Variants in MED13L observed in about 807,000 individuals in gnomAD.
The protein encoded by MED13L is mediator of RNA polymerase II transcription subunit 13-like.
In MED13L, 7 loss-of-function variants were observed where a neutral mutation model predicts 220.9. That is an observed-to-expected ratio of 0.03 (90% CI 0.02 to 0.06). The LOEUF is 0.06. Ranked by LOEUF, MED13L falls within the 10% of genes least tolerant of loss-of-function variation. MED13L has a pLI of 1.00. For synonymous variants in MED13L, 1,011 were observed against 1,015.2 expected (o/e 1.00, Z 0.08); for missense variants, 1,965 against 2,760.5 (o/e 0.71, Z 6.46).
At chr12:116,209,431 C>T (rs1346023105) in intron 2 of MED13L, among the ~76,000 whole-genome samples, 1 of 151,828 alleles carries the variant, frequency 6.6e-6, no homozygotes, top group African/African-American at 2.4e-5. Context: ...GAACATATAT[C>T]CCTTCATGCC....
chr12:116,013,397 A>C (rs1879536250), intron 8 of MED13L, among the ~76,000 whole-genome samples: 1 of 152,224 alleles, frequency 6.6e-6, no homozygotes, highest in Non-Finnish European at 1.5e-5. Context: ...CAATGTACAC[A>C]AACTTTGTTT....
At chr12:116,210,513 GA>G (rs983588844) in intron 2 of MED13L, among the ~76,000 whole-genome samples, 1 of 130,784 alleles carries the variant, frequency 7.6e-6, no homozygotes, top group Non-Finnish European at 1.6e-5. Context: ...AAACTTGAAA[GA>G]AAAAAAACCA....
At chr12:116,217,226 A>C (rs985885217) in intron 2 of MED13L, among the ~76,000 whole-genome samples, 1 of 152,242 alleles carries the variant, frequency 6.6e-6, no homozygotes, top group Non-Finnish European at 1.5e-5. Flanking sequence ...ATTGATGAAG[A>C]TAACAACCTA....
chr12:116,066,893 G>A (rs1174204899), intron 4 of MED13L, among the ~76,000 whole-genome samples: 1 of 152,080 alleles, frequency 6.6e-6, no homozygotes, highest in East Asian at 1.9e-4. Context: ...TTCATGCTTA[G>A]TTTCATGAAG....
chr12:115,976,327 C>G (rs868250220), intron 23 of MED13L, among the ~76,000 whole-genome samples: 3 of 152,082 alleles, frequency 2.0e-5, no homozygotes, highest in African/African-American at 4.8e-5. Context: ...GAATATTAAA[C>G]AGCAATGAGA....
chr12:116,006,344 T>C lies in MED13L; in HGVS notation c.2306A>G (p.Lys769Arg). 6.2e-7 allele frequency: 1 copy of C among 1,614,072 alleles called. No individual in the cohort carries two copies. Among genetic ancestry groups the C allele is most frequent in the Non-Finnish European group, 8.5e-7 (1 of 1,179,936 alleles). ...PGHSTPVPDG[K>R]NAMSIFSSAT... ...AGAACTGAAAATAGACATGGCATTT[T>C]TCCCATCAGGCACCGGCGTGGAATG... is the stretch of plus-strand genomic sequence containing the variant. The change falls in exon 12 of 31, where the codon AAA becomes AGA. Residue 769 changes from lysine to arginine, a missense_variant. By Grantham distance (26) the Lys-to-Arg change is conservative (BLOSUM62 2). Transcript: ENST00000281928.
rs113890513 is a variant in MED13L, at chr12:115,983,375, G to A, written c.4697C>T (p.Ser1566Leu). Residue 1566 changes from serine to leucine, a missense_variant, in exon 21 of 31, where the codon TCG becomes TTG. Transcript: ENST00000281928. The stretch of plus-strand genomic sequence containing the variant: ...TGCAGGATTTGTAGAACTACTATTC[G>A]AGGTGGGATTAAATGCACTGCCAGC... ...PPAGSAFNPT[S>L]NSSSTNPAAS... The A allele has an allele frequency of 6.9e-4, 1,106 of 1,614,036 alleles. 1 individual carries two copies. Among genetic ancestry groups the A allele is most frequent in the Non-Finnish European group, 9.0e-4 (1,065 of 1,180,018 alleles).
intron 1 of MED13L, among the ~76,000 whole-genome samples, chr12:116,254,174 G>A (rs540336029): frequency 5.3e-5 from 8 of 152,076 alleles, no homozygotes; most frequent in African/African-American, 1.2e-4. Flanking sequence ...CCAAGAACAG[G>A]AACAAGGTAA....
rs567433106 is a variant in MED13L at position 116,007,056 on chromosome 12, G to A, written c.2238+355C>T. The A allele has an allele frequency of 1.4e-4, 47 of 335,220 alleles. 1 individual carries two copies. The highest frequency in any genetic ancestry group is 1.2e-3 in the South Asian group (43 of 34,410). The allele number at this position is 335,220 out of a possible 1,614,324, so 20.8% of individuals were successfully genotyped here. On this transcript the variant is annotated intron_variant, in intron 11 of 30. Coordinates refer to ENST00000281928, the MANE Select transcript of MED13L (RefSeq NM_015335.5). ...GCTCGATAAATTGTGTATACCTACT[G>A]TTACAAACATTTTTTCCTTTACATT... is the stretch of plus-strand genomic sequence containing the variant.
chr12:116,247,919 A>C (rs890543665), intron 1 of MED13L, among the ~76,000 whole-genome samples: 2 of 152,252 alleles, frequency 1.3e-5, no homozygotes, highest in African/African-American at 4.8e-5. Flanking sequence ...ATCTTAAGCT[A>C]CATTAATAAA....
chr12:116,165,209 A>C (rs1879160824), intron 2 of MED13L, among the ~76,000 whole-genome samples: 1 of 138,818 alleles, frequency 7.2e-6, no homozygotes, highest in Non-Finnish European at 1.5e-5. Context: ...GGCCCCTCTG[A>C]GGTTCTGTCC....
chr12:116,092,841 T>C (rs926042912), intron 4 of MED13L, among the ~76,000 whole-genome samples: 6 of 152,126 alleles, frequency 3.9e-5, no homozygotes, highest in African/African-American at 1.2e-4. Flanking sequence ...AAACATGTGA[T>C]GCTCTCTGGA....
chr12:116,146,640 G>C (rs772674733), intron 2 of MED13L, among the ~76,000 whole-genome samples: 1 of 151,888 alleles, frequency 6.6e-6, no homozygotes, highest in African/African-American at 2.4e-5. Flanking sequence ...GAAGGCAGGG[G>C]GGACTGCTTG....
At chr12:116,041,799 C>A (rs1442900056) in intron 4 of MED13L, among the ~76,000 whole-genome samples, 2 of 152,200 alleles carry the variant, frequency 1.3e-5, no homozygotes, top group Non-Finnish European at 2.9e-5. Flanking sequence ...CGTGCCACTG[C>A]ACTCCGACCT....
chr12:116,099,153 C>G (rs1313665947), intron 3 of MED13L, among the ~76,000 whole-genome samples: 1 of 152,130 alleles, frequency 6.6e-6, no homozygotes, highest in Non-Finnish European at 1.5e-5. Flanking sequence ...GAATGTCATC[C>G]AGATAATAAA....
intron 3 of MED13L, among the ~76,000 whole-genome samples, chr12:116,103,200 T>C (rs986729219): frequency 6.6e-6 from 1 of 152,234 alleles, no homozygotes; most frequent in East Asian, 1.9e-4. Flanking sequence ...TCTCCTCTAG[T>C]TTTAAACTTT....
chr12:116,205,985 T>C (rs1204342204), intron 2 of MED13L, among the ~76,000 whole-genome samples: 1 of 148,114 alleles, frequency 6.8e-6, no homozygotes, highest in African/African-American at 2.5e-5. Flanking sequence ...GAAAACAAAG[T>C]GGCAATGATT....
chr12:116,134,085 G>C, intron 2 of MED13L, among the ~76,000 whole-genome samples: 1 of 152,116 alleles, frequency 6.6e-6, no homozygotes, highest in East Asian at 1.9e-4. Context: ...AGAGTCCATA[G>C]GCATAATAAA....
At chr12:116,010,473 T>C (rs967809623) in intron 9 of MED13L, among the ~76,000 whole-genome samples, 1 of 152,186 alleles carries the variant, frequency 6.6e-6, no homozygotes, top group Non-Finnish European at 1.5e-5. Flanking sequence ...AAGTGGATAA[T>C]CTAATCATAA....
Sources: gnomAD v4.1 joint callset for allele counts (sites outside exome capture counted in the v4.1 genomes callset) on GRCh38, gnomAD v4.1.1 for gene constraint, MANE v1.5 for transcripts, NCBI Gene and HGNC (gene_info 2026-07-23, HGNC 2026-07-21) for gene names.